The following OR2L13 variants were observed in gnomAD, a reference collection of about 807,000 sequenced individuals.
The protein encoded by OR2L13 is olfactory receptor 2L13.
OR2L13 carries 14 observed loss-of-function variants against 15.3 expected under a neutral mutation model. The ratio of observed to expected loss-of-function variants is 0.91; its 90% CI spans 0.60 to 1.43. OR2L13 has a LOEUF of 1.43. Among genes scored for constraint, OR2L13 ranks in the 40% most tolerant of loss-of-function variants. The pLI is 0.00. For missense variants in OR2L13, 367 were observed against 387.9 expected (o/e 0.95, Z 0.45); for synonymous variants, 152 against 142.9 (o/e 1.06, Z -0.45).
chr1:247,965,543 A>C, the OR2L13 span: 1 of 1,612,412 alleles, frequency 6.2e-7, no homozygotes, highest in Non-Finnish European at 8.5e-7. Flanking sequence ...ACCAGACTCC[A>C]CACTCCAATG....
the OR2L13 span, among the ~76,000 whole-genome samples, chr1:248,047,624 A>AT: frequency 2.6e-5 from 4 of 152,198 alleles, no homozygotes; most frequent in African/African-American, 7.2e-5. Context: ...CAATGTATTT[A>AT]TTTTTTCTTT....
At chr1:248,075,836 A>C in the OR2L13 span, among the ~76,000 whole-genome samples, 1 of 151,692 alleles carries the variant, frequency 6.6e-6, no homozygotes, top group East Asian at 1.9e-4. Context: ...TTATTTTGCC[A>C]TGCAGAATCT....
the OR2L13 span, chr1:248,060,721 T>C: frequency 1.2e-6 from 2 of 1,613,876 alleles, no homozygotes; most frequent in African/African-American, 2.7e-5. Context: ...TTTCATCTTA[T>C]TAGGATTCTT....
the OR2L13 span, among the ~76,000 whole-genome samples, chr1:247,968,570 C>T: frequency 6.6e-6 from 1 of 150,680 alleles, no homozygotes; most frequent in Non-Finnish European, 1.5e-5. Flanking sequence ...GTTCAATTCC[C>T]ACCTATGACT....
At chr1:248,032,061 C>G in the OR2L13 span, among the ~76,000 whole-genome samples, 1 of 152,022 alleles carries the variant, frequency 6.6e-6, no homozygotes, top group African/African-American at 2.4e-5. Flanking sequence ...AATAATTAAA[C>G]TACTAATATA....
chr1:248,073,723 A>T, the OR2L13 span, among the ~76,000 whole-genome samples: 1 of 151,896 alleles, frequency 6.6e-6, no homozygotes, highest in African/African-American at 2.4e-5. Context: ...CAGGTAGATG[A>T]TCTTTCATTA....
the OR2L13 span, among the ~76,000 whole-genome samples, chr1:248,013,971 T>A: frequency 6.6e-6 from 1 of 152,134 alleles, no homozygotes; most frequent in African/African-American, 2.4e-5. Flanking sequence ...GAAATGATGA[T>A]CAATGGAAGA....
chr1:247,987,279 C>A, the OR2L13 span, among the ~76,000 whole-genome samples: 1 of 152,136 alleles, frequency 6.6e-6, no homozygotes, highest in African/African-American at 2.4e-5. Context: ...GTGTAAAATC[C>A]TATGGCTTTC....
chr1:248,057,280 G>A, the OR2L13 span, among the ~76,000 whole-genome samples: 2 of 152,084 alleles, frequency 1.3e-5, no homozygotes, highest in Non-Finnish European at 2.9e-5. Flanking sequence ...AAGTCTCTTT[G>A]TAGGTCTCTA....
chr1:247,990,968 A>G, the OR2L13 span: 1 of 1,485,454 alleles, frequency 6.7e-7, no homozygotes. Context: ...GAAGGGAGGA[A>G]GAAGGCCTAT....
chr1:248,079,428 TG>T, the OR2L13 span, among the ~76,000 whole-genome samples: 1 of 152,182 alleles, frequency 6.6e-6, no homozygotes, highest in Non-Finnish European at 1.5e-5. Flanking sequence ...CAGCATTTTT[TG>T]TGTGTGAAAT....
the OR2L13 span, among the ~76,000 whole-genome samples, chr1:248,025,053 C>G: frequency 6.6e-6 from 1 of 151,770 alleles, no homozygotes; most frequent in Non-Finnish European, 1.5e-5. Flanking sequence ...GACTTCATGT[C>G]TAAAACACCA....
the OR2L13 span, among the ~76,000 whole-genome samples, chr1:248,035,889 A>T: frequency 6.6e-6 from 1 of 152,180 alleles, no homozygotes; most frequent in Non-Finnish European, 1.5e-5. Flanking sequence ...TATGAAATTT[A>T]TTGATTAAAT....
the OR2L13 span, among the ~76,000 whole-genome samples, chr1:248,045,031 G>T: frequency 3.3e-5 from 5 of 152,086 alleles, no homozygotes; most frequent in African/African-American, 1.2e-4. Flanking sequence ...CCCATAGGTG[G>T]AATTACAGGC....
At chr1:248,062,836 C>G in the OR2L13 span, 1 of 152,080 alleles carries the variant, frequency 6.6e-6, no homozygotes, top group African/African-American at 2.4e-5. Flanking sequence ...ATCAAAGCAT[C>G]ACATACACTC....
At chr1:248,078,214 G>T in the OR2L13 span, among the ~76,000 whole-genome samples, 2 of 152,196 alleles carry the variant, frequency 1.3e-5, no homozygotes, top group Non-Finnish European at 2.9e-5. Flanking sequence ...TGGGCGCGGT[G>T]CCTCACACCT....
chr1:248,078,227 A>C, the OR2L13 span, among the ~76,000 whole-genome samples: 1 of 152,210 alleles, frequency 6.6e-6, no homozygotes, highest in Non-Finnish European at 1.5e-5. Flanking sequence ...TCACACCTGT[A>C]ATCCCAGCAT....
chr1:248,072,016 T>C, the OR2L13 span, among the ~76,000 whole-genome samples: 6 of 151,436 alleles, frequency 4.0e-5, no homozygotes, highest in Admixed American at 3.9e-4. Context: ...TGCTCATGGG[T>C]AGGAAGAATC....
chr1:247,965,873 T>C, the OR2L13 span: 4 of 1,613,860 alleles, frequency 2.5e-6, no homozygotes, highest in East Asian at 6.7e-5. Flanking sequence ...GTGTTTCAGC[T>C]TCCATTCTGT....
Sources: gnomAD v4.1 joint callset for allele counts (sites outside exome capture counted in the v4.1 genomes callset) on GRCh38, gnomAD v4.1.1 for gene constraint, MANE v1.5 for transcripts, NCBI Gene and HGNC (gene_info 2026-07-23, HGNC 2026-07-21) for gene names.